CDKL1: variants seen among roughly 807,000 people sequenced by gnomAD.
The protein encoded by CDKL1 is cyclin dependent kinase like 1, also known as cyclin-dependent kinase-like 1.
A neutral mutation model predicts 42.0 loss-of-function variants in CDKL1; 41 were observed. The ratio of observed to expected loss-of-function variants is 0.98; its 90% CI spans 0.76 to 1.27. The LOEUF (loss-of-function observed/expected upper bound fraction) is 1.27. Ranked by LOEUF, CDKL1 falls within the 50% of genes most tolerant of loss-of-function variation. CDKL1 has a pLI of 0.00. For synonymous variants in CDKL1, 153 were observed against 158.6 expected (o/e 0.96, Z 0.26); for missense variants, 394 against 428.4 (o/e 0.92, Z 0.71).
At chr14:50,394,865 G>A (rs894585423) in intron 2 of CDKL1, among the ~76,000 whole-genome samples, 1 of 152,082 alleles carries the variant, frequency 6.6e-6, no homozygotes, top group Non-Finnish European at 1.5e-5. Context: ...GGCCAGGCTC[G>A]ATGGATCATG....
chr14:50,362,335 C>CT (rs377613556), intron 2 of CDKL1: 9 of 327,430 alleles, frequency 2.7e-5, no homozygotes, highest in Admixed American at 8.2e-5. Flanking sequence ...GTGGGATCCA[C>CT]TGGGTGAGGC....
chr14:50,387,609 A>G (rs2139537931), intron 2 of CDKL1, among the ~76,000 whole-genome samples: 2 of 152,092 alleles, frequency 1.3e-5, no homozygotes, highest in Middle Eastern at 3.5e-3. Flanking sequence ...ATCAGACATG[A>G]GGACCCCAGT....
rs2032704658 is a variant in CDKL1, at chr14:50,326,390, T to G, written c.*3684A>C. 1.1e-6 allele frequency: 1 copy of G among 939,128 alleles called. No homozygotes were observed. Among genetic ancestry groups the G allele is most frequent in the African/African-American group, 1.8e-5 (1 of 56,228 alleles). The allele number at this position is 939,128 out of a possible 1,614,324, so 58.2% of individuals were successfully genotyped here. Reference sequence around the variant, plus strand: ...TTATAACAGTAATTTACATTTAACTTTAAAGTTAGTGAAGCATACTACCAT... The same window carrying G: ...TTATAACAGTAATTTACATTTAACTGTAAAGTTAGTGAAGCATACTACCAT... On this transcript the variant is annotated 3_prime_UTR_variant, in exon 10 of 10. Transcript: ENST00000395834.
intron 7 of CDKL1, chr14:50,335,614 G>C: frequency 6.5e-7 from 1 of 1,532,478 alleles, no homozygotes; most frequent in Non-Finnish European, 8.7e-7. Context: ...CAGTTAAAGA[G>C]ACATACCACT....
Position 50,338,560 on chromosome 14 carries a change from T to A in CDKL1, c.738+387A>T, listed in dbSNP as rs548854153. The stretch of plus-strand genomic sequence containing the variant: ...AGGAAGTTCATTATGATTTTTCCCA[T>A]GGTCTGGAGACCATGGGCATAGTAG... On this transcript the variant is annotated intron_variant, in intron 7 of 9. Transcript: ENST00000395834. Among the ~76,000 whole-genome samples the A allele has an allele frequency of 2.6e-5, 4 of 152,258 alleles. No homozygotes were observed. In the South Asian group the frequency reaches 8.3e-4, roughly 32 times the overall value.
chr14:50,368,119 C>T (rs949495430), intron 2 of CDKL1, among the ~76,000 whole-genome samples: 1 of 151,834 alleles, frequency 6.6e-6, no homozygotes, highest in Non-Finnish European at 1.5e-5. Flanking sequence ...CAACCATGCC[C>T]AGCTAATTTT....
intron 2 of CDKL1, chr14:50,362,874 A>C (rs970693729): frequency 2.4e-6 from 1 of 410,426 alleles, no homozygotes; most frequent in Non-Finnish European, 5.3e-6. Context: ...TGCCCGACCC[A>C]GCAGTGGCAA....
chr14:50,362,618 A>G (rs144936348), intron 2 of CDKL1, among the ~76,000 whole-genome samples: 2,549 of 152,212 alleles, frequency 0.017, 80 homozygotes, highest in African/African-American at 0.057. Context: ...GAATGCACCA[A>G]TCGACACTCT....
At position 50,339,038 on chromosome 14, in the gene CDKL1, A is replaced by G. The variant is rs745772988; in HGVS notation, c.656-9T>C. On this transcript the variant is annotated splice_polypyrimidine_tract_variant and intron_variant, in intron 6 of 9. Transcript: ENST00000395834. ...CCTAGGAATGAGATCCCCTTTGGAC[A>G]AGAAAAGAAAAAGGTAAGTGAAATT... 9.5e-6 allele frequency: 15 copies of G among 1,583,578 alleles called. No individual in the cohort carries two copies. Among genetic ancestry groups the G allele is most frequent in the Non-Finnish European group, 8.7e-7 (1 of 1,152,154 alleles).
intron 2 of CDKL1, among the ~76,000 whole-genome samples, chr14:50,366,105 A>G (rs527795900): frequency 2.0e-5 from 3 of 152,152 alleles, no homozygotes; most frequent in Non-Finnish European, 4.4e-5. Context: ...ATATACATCT[A>G]TCCTATTGGT....
In CDKL1 at chr14:50,332,348, C is replaced by G; in HGVS notation, c.880G>C (p.Glu294Gln). 6.2e-7 allele frequency: 1 copy of G among 1,614,170 alleles called. No individual in the cohort carries two copies. Among genetic ancestry groups the G allele is most frequent in the Non-Finnish European group, 8.5e-7 (1 of 1,180,022 alleles). ...TTGTTGTGTTCTTTTGCCAAATCCTCTATTTCTCTGATGTTTTCAAAATAT... is the reference window on the plus strand; with the variant it reads ...TTGTTGTGTTCTTTTGCCAAATCCTGTATTTCTCTGATGTTTTCAAAATAT... ...HPYFENIREI[E>Q]DLAKEHNKPT... The change falls in exon 9 of 10, where the codon GAG becomes CAG. Residue 294 changes from glutamate to glutamine, a missense_variant. By Grantham distance (29) the Glu-to-Gln change is conservative. Transcript: ENST00000395834.
intron 2 of CDKL1, among the ~76,000 whole-genome samples, chr14:50,376,817 T>C (rs1035996224): frequency 1.3e-5 from 2 of 152,178 alleles, no homozygotes; most frequent in Non-Finnish European, 2.9e-5. Context: ...CAAAAATCTC[T>C]GCTCTCGTGA....
At chr14:50,336,141 C>T (rs771694724) in intron 7 of CDKL1, 49 of 1,365,550 alleles carry the variant, frequency 3.6e-5, no homozygotes, top group Non-Finnish European at 4.7e-5. Context: ...CTGTGATACG[C>T]TGGAGCCCAT....
At chr14:50,341,472 G>GCA (rs2033535223) in intron 5 of CDKL1, among the ~76,000 whole-genome samples, 3 of 92,786 alleles carry the variant, frequency 3.2e-5, no homozygotes, top group African/African-American at 1.1e-4. Context: ...GGGGGGGGGG[G>GCA]TTATTTGGCT....
intron 2 of CDKL1, among the ~76,000 whole-genome samples, chr14:50,395,198 A>G (rs1344163455): frequency 2.6e-5 from 4 of 152,204 alleles, no homozygotes; most frequent in Admixed American, 6.5e-5. Flanking sequence ...ATGCCAGCAA[A>G]ATTGAATTGT....
At chr14:50,384,801 C>T (rs970262307) in intron 2 of CDKL1, among the ~76,000 whole-genome samples, 3 of 151,202 alleles carry the variant, frequency 2.0e-5, no homozygotes, top group Admixed American at 6.6e-5. Context: ...TATGGCGGCT[C>T]GGTTCACACC....
intron 2 of CDKL1, among the ~76,000 whole-genome samples, chr14:50,385,601 A>T (rs543880619): frequency 1.1e-4 from 16 of 152,008 alleles, no homozygotes; most frequent in Non-Finnish European, 2.4e-4. Context: ...GTCAGGAGTT[A>T]AAGACCAGCC....
At chr14:50,348,426 T>C (rs555582577) in intron 3 of CDKL1, among the ~76,000 whole-genome samples, 16 of 152,314 alleles carry the variant, frequency 1.1e-4, no homozygotes, top group Admixed American at 3.9e-4. Context: ...CGTGAGATTG[T>C]GGATACCGTT....
intron 2 of CDKL1, among the ~76,000 whole-genome samples, chr14:50,372,928 A>G (rs2034629138): frequency 6.6e-6 from 1 of 152,022 alleles, no homozygotes; most frequent in Non-Finnish European, 1.5e-5. Context: ...TTGTGTTCTA[A>G]TTACTATATT....
Sources: allele counts gnomAD v4.1 joint callset (sites outside exome capture counted in the v4.1 genomes callset), GRCh38; gene constraint gnomAD v4.1.1; transcripts MANE v1.5; gene names NCBI Gene and HGNC (gene_info 2026-07-23, HGNC 2026-07-21).